Variants in DIAPH2 observed in about 807,000 individuals in gnomAD.
The protein encoded by DIAPH2 is protein diaphanous homolog 2.
In DIAPH2, 35 loss-of-function variants were observed where a neutral mutation model predicts 92.7. That is an observed-to-expected ratio of 0.38 (90% CI 0.29 to 0.50). The LOEUF is 0.50. DIAPH2 is among the 20% of genes least tolerant of loss of function. The probability of loss-of-function intolerance (pLI) is 0.94; values close to 1 mark genes in which losing one functional copy is unlikely to be tolerated. For synonymous variants in DIAPH2, 301 were observed against 280.4 expected, an observed-to-expected ratio of 1.07 and a Z score of -0.73; for missense variants, 701 against 819.5, an observed-to-expected ratio of 0.86 and a Z score of 1.77.
chrX:97,232,763 C>A (rs1470954042), intron 22 of DIAPH2, among the ~76,000 whole-genome samples: 1 of 111,603 alleles, frequency 9.0e-6, no homozygotes, highest in East Asian at 2.8e-4. Context: ...TAACCTTAGC[C>A]TCCTAATGGA....
At chrX:97,398,372 C>G (rs2069723636) in intron 25 of DIAPH2, among the ~76,000 whole-genome samples, 1 of 111,910 alleles carries the variant, frequency 8.9e-6, no homozygotes, top group African/African-American at 3.2e-5. Flanking sequence ...TTAAATGTAA[C>G]CACATTCCTT....
intron 23 of DIAPH2, among the ~76,000 whole-genome samples, chrX:97,263,565 T>G (rs1182837738): frequency 2.6e-5 from 1 of 39,003 alleles, no homozygotes; most frequent in East Asian, 6.0e-4. Flanking sequence ...TGTTATTTAT[T>G]TATTTATTTA....
intron 4 of DIAPH2, among the ~76,000 whole-genome samples, chrX:96,854,597 TCATA>T (rs1400727522): frequency 6.4e-5 from 4 of 62,243 alleles, no homozygotes; most frequent in Non-Finnish European, 9.1e-5. Flanking sequence ...TCTCTCTCTC[TCATA>T]TATATATATA....
At chrX:97,057,065 A>T (rs1196418506) in intron 17 of DIAPH2, among the ~76,000 whole-genome samples, 1 of 112,274 alleles carries the variant, frequency 8.9e-6, no homozygotes, top group Admixed American at 9.4e-5. Context: ...ATATAATAAC[A>T]TCATTGATAA....
At chrX:97,347,052 T>C (rs1432785444) in intron 23 of DIAPH2, among the ~76,000 whole-genome samples, 1 of 108,475 alleles carries the variant, frequency 9.2e-6, no homozygotes, top group Non-Finnish European at 1.9e-5. Flanking sequence ...CACACACATA[T>C]ATAACACTCA....
chrX:97,534,198 C>G (rs1409294974), intron 26 of DIAPH2, among the ~76,000 whole-genome samples: 2 of 111,160 alleles, frequency 1.8e-5, no homozygotes, highest in South Asian at 3.8e-4. Flanking sequence ...AACTTTTCAG[C>G]CTTTGCTTTT....
chrX:96,916,140 G>A (rs980046963), intron 7 of DIAPH2, among the ~76,000 whole-genome samples: 20 of 111,248 alleles, frequency 1.8e-4, no homozygotes, highest in Admixed American at 3.8e-4. Context: ...ATCAGTATGC[G>A]CTTTATATGT....
At chrX:96,825,120 ATT>A (rs72064770) in intron 4 of DIAPH2, among the ~76,000 whole-genome samples, 10 of 89,381 alleles carry the variant, frequency 1.1e-4, no homozygotes, top group East Asian at 3.3e-4. Flanking sequence ...TAATTTTTGT[ATT>A]TTTTTTTTTT....
At chrX:97,040,729 G>A (rs951539757) in intron 17 of DIAPH2, among the ~76,000 whole-genome samples, 2 of 109,470 alleles carry the variant, frequency 1.8e-5, no homozygotes, top group Non-Finnish European at 3.8e-5. Context: ...AAAAATAATA[G>A]TAATAATAAT....
chrX:97,329,011 CT>C (rs1468002372), intron 23 of DIAPH2, among the ~76,000 whole-genome samples: 1 of 111,861 alleles, frequency 8.9e-6, no homozygotes, highest in Admixed American at 9.6e-5. Flanking sequence ...AAAAATGATA[CT>C]GTATTTATGG....
chrX:97,084,045 A>T, intron 19 of DIAPH2, among the ~76,000 whole-genome samples: 1 of 110,956 alleles, frequency 9.0e-6, no homozygotes, highest in East Asian at 2.8e-4. Context: ...TTACATTTAT[A>T]GTTTAATAGT....
intron 23 of DIAPH2, among the ~76,000 whole-genome samples, chrX:97,300,617 T>TAA (rs11325055): frequency 2.3e-5 from 2 of 88,547 alleles, no homozygotes; most frequent in Non-Finnish European, 2.2e-5. Flanking sequence ...AAAGCTTATT[T>TAA]AAAAAAAAAA....
intron 3 of DIAPH2, among the ~76,000 whole-genome samples, chrX:96,743,803 T>C (rs1378981657): frequency 9.0e-6 from 1 of 111,376 alleles, no homozygotes; most frequent in Non-Finnish European, 1.9e-5. Context: ...GTGACTATTG[T>C]ATTTTTGAAA....
chrX:96,752,995 G>A (rs1392856339), intron 3 of DIAPH2, among the ~76,000 whole-genome samples: 4 of 111,452 alleles, frequency 3.6e-5, no homozygotes, highest in African/African-American at 9.8e-5. Flanking sequence ...CTGTGATGGC[G>A]TGATATCAGC....
At chrX:97,156,959 G>C (rs1450785867) in intron 22 of DIAPH2, among the ~76,000 whole-genome samples, 2 of 111,580 alleles carry the variant, frequency 1.8e-5, no homozygotes, top group African/African-American at 6.5e-5. Context: ...ACTCCATTTT[G>C]AATGAGGGCT....
intron 26 of DIAPH2, among the ~76,000 whole-genome samples, chrX:97,433,401 A>T (rs2070148584): frequency 9.0e-6 from 1 of 111,360 alleles, no homozygotes; most frequent in Non-Finnish European, 1.9e-5. Context: ...CTGTAGTCCC[A>T]GCTACTCAGG....
At chrX:96,779,447 G>A (rs780189278) in intron 4 of DIAPH2, among the ~76,000 whole-genome samples, 1 of 112,057 alleles carries the variant, frequency 8.9e-6, no homozygotes, top group Admixed American at 9.5e-5. Flanking sequence ...CATTAGACAG[G>A]TGCAGTGGAA....
intron 23 of DIAPH2, among the ~76,000 whole-genome samples, chrX:97,260,150 A>C (rs1569343719): frequency 1.8e-5 from 2 of 112,502 alleles, no homozygotes; most frequent in Non-Finnish European, 3.8e-5. Context: ...TCTTGCACCT[A>C]CTTGATGTTG....
chrX:97,573,672 T>G (rs993647107), intron 26 of DIAPH2, among the ~76,000 whole-genome samples: 4 of 108,690 alleles, frequency 3.7e-5, no homozygotes, highest in African/African-American at 1.3e-4. Context: ...TTTTTTGTTT[T>G]TTTTTGAGGT....
Sources: gnomAD v4.1 joint callset for allele counts (sites outside exome capture counted in the v4.1 genomes callset) on GRCh38, gnomAD v4.1.1 for gene constraint, MANE v1.5 for transcripts, NCBI Gene and HGNC (gene_info 2026-07-23, HGNC 2026-07-21) for gene names.